HPCAL1: variants seen among roughly 807,000 people sequenced by gnomAD.
The protein encoded by HPCAL1 is hippocalcin like 1, also known as hippocalcin-like protein 1.
Under a neutral mutation model 17.1 loss-of-function variants are expected in HPCAL1, and 8 were observed. The ratio of observed to expected loss-of-function variants is 0.47; its 90% CI spans 0.27 to 0.84. The LOEUF is 0.84. HPCAL1 is among the 40% of genes least tolerant of loss of function. HPCAL1 has a pLI of 0.13. For missense variants in HPCAL1, 165 were observed against 271.1 expected (o/e 0.61, Z 2.75); for synonymous variants, 112 against 111.4 (o/e 1.01, Z -0.03).
chr2:10,383,563 A>C (rs989119965), intron 1 of HPCAL1, among the ~76,000 whole-genome samples: 1 of 151,808 alleles, frequency 6.6e-6, no homozygotes, highest in Admixed American at 6.6e-5. Context: ...GGGTTTCACT[A>C]TGTTGGCCAG....
intron 1 of HPCAL1, among the ~76,000 whole-genome samples, chr2:10,360,969 T>A (rs965384227): frequency 2.7e-5 from 4 of 150,796 alleles, no homozygotes; most frequent in African/African-American, 9.8e-5. Context: ...CTCTCCACGG[T>A]CTCCTCCTGG....
At chr2:10,422,613 T>G (rs1572872061) in intron 3 of HPCAL1, among the ~76,000 whole-genome samples, 1 of 152,010 alleles carries the variant, frequency 6.6e-6, no homozygotes. Context: ...AGCCATGGAG[T>G]AAAATGCACA....
At chr2:10,319,297 C>G (rs992875134) in intron 1 of HPCAL1, among the ~76,000 whole-genome samples, 8 of 152,204 alleles carry the variant, frequency 5.3e-5, no homozygotes, top group Non-Finnish European at 1.2e-4. Flanking sequence ...ATAGGAGAGG[C>G]CTGGAGGCTT....
rs143287273 is a variant in HPCAL1, at chr2:10,423,021, G to T, written c.417G>T (p.Pro139=). The T allele has an allele frequency of 3.1e-6, 5 of 1,613,588 alleles. No individual in the cohort carries two copies. The South Asian group carries it at 5.5e-5, about 18-fold the overall frequency. ...YKMVSSVMKM[P]EDESTPEKRT... Reference sequence around the variant, plus strand: ...TGGTGTCGTCTGTGATGAAGATGCCGGAGGATGAGTCCACCCCGGAGAAGC... The same window carrying T: ...TGGTGTCGTCTGTGATGAAGATGCCTGAGGATGAGTCCACCCCGGAGAAGC... Residue 139 remains proline, a synonymous_variant, in exon 4 of 5, where the codon CCG becomes CCT. Transcript: ENST00000307845.
At chr2:10,423,148 G>A in intron 4 of HPCAL1, 60 bp downstream of exon 4, 1 of 1,283,540 alleles carries the variant, frequency 7.8e-7, no homozygotes, top group Non-Finnish European at 1.1e-6. Context: ...AAACCATGTG[G>A]TTTGGGGCAC....
rs1558517423 is a variant in HPCAL1 at position 10,399,232 on chromosome 2, C to CTG, written c.-25+2312_-25+2313insTG. Among the ~76,000 whole-genome samples, 31 of 72,590 alleles carry CTG rather than the reference C, an allele frequency of 4.3e-4. 1 individual carries two copies. In the East Asian group the frequency reaches 9.4e-3, roughly 22 times the overall value. 47.6% of individuals were successfully genotyped at this position (72,590 alleles called of 152,430 possible). ...TGCACCACCACCACCACCACCACCACCACCACCATCACCACCACCACCACC... is the reference window on the plus strand; with the variant it reads ...TGCACCACCACCACCACCACCACCACTGCACCACCATCACCACCACCACCACC... On this transcript the variant is annotated intron_variant, in intron 2 of 4. Transcript: ENST00000307845.
intron 1 of HPCAL1, among the ~76,000 whole-genome samples, chr2:10,351,933 C>T (rs1431527268): frequency 3.5e-5 from 5 of 142,238 alleles, no homozygotes; most frequent in Non-Finnish European, 7.6e-5. Flanking sequence ...TTGACGGAGT[C>T]TCACTCTTGC....
At chr2:10,348,954 A>G (rs1216376377) in intron 1 of HPCAL1, among the ~76,000 whole-genome samples, 3 of 152,222 alleles carry the variant, frequency 2.0e-5, no homozygotes, top group Non-Finnish European at 4.4e-5. Flanking sequence ...GTCTGAATTC[A>G]ATCACATTCA....
At chr2:10,332,534 G>T (rs867759724) in intron 1 of HPCAL1, among the ~76,000 whole-genome samples, 1 of 152,084 alleles carries the variant, frequency 6.6e-6, no homozygotes, top group South Asian at 2.1e-4. Context: ...GGGGTGAAGC[G>T]GGCCCCTGTA....
chr2:10,326,926 A>G (rs1664054936), intron 1 of HPCAL1, among the ~76,000 whole-genome samples: 1 of 150,606 alleles, frequency 6.6e-6, no homozygotes, highest in South Asian at 2.1e-4. Flanking sequence ...TGTGCCCCAC[A>G]TGCCCCGGCT....
At chr2:10,400,828 C>T (rs1008605243) in intron 2 of HPCAL1, among the ~76,000 whole-genome samples, 1 of 152,212 alleles carries the variant, frequency 6.6e-6, no homozygotes, top group African/African-American at 2.4e-5. Flanking sequence ...GCATTCTCAT[C>T]TGCCCTGGAA....
intron 1 of HPCAL1, among the ~76,000 whole-genome samples, chr2:10,318,518 C>A (rs114584806): frequency 9.2e-5 from 14 of 152,284 alleles, no homozygotes; most frequent in Non-Finnish European, 2.1e-4. Flanking sequence ...TAAGGCCGCA[C>A]GTGGGTGTGG....
intron 1 of HPCAL1, among the ~76,000 whole-genome samples, chr2:10,379,768 G>A (rs561108117): frequency 6.6e-6 from 1 of 152,350 alleles, no homozygotes; most frequent in East Asian, 1.9e-4. Context: ...CAGGGTTAAA[G>A]GCAGGCTTTG....
intron 1 of HPCAL1, among the ~76,000 whole-genome samples, chr2:10,322,315 AC>A (rs1312359723): frequency 1.3e-5 from 2 of 152,208 alleles, no homozygotes; most frequent in African/African-American, 4.8e-5. Context: ...GAACCACTGC[AC>A]CCAGCCACAG....
intron 2 of HPCAL1, among the ~76,000 whole-genome samples, chr2:10,411,952 C>G (rs1055057220): frequency 6.6e-6 from 1 of 152,180 alleles, no homozygotes; most frequent in Non-Finnish European, 1.5e-5. Context: ...AGAGAAGATT[C>G]CTCCCCCAAG....
At chr2:10,398,066 A>G (rs2125578715) in intron 2 of HPCAL1, among the ~76,000 whole-genome samples, 1 of 152,082 alleles carries the variant, frequency 6.6e-6, no homozygotes, top group South Asian at 2.1e-4. Flanking sequence ...TCTCATGACT[A>G]TTATGGTGAC....
rs1311238269 is a variant in HPCAL1, at chr2:10,304,066, AC to A, written c.-111+891del. ...TGTGCCTCTCCCTGGCCCTAACTTA[AC>A]CGCGAAGCACTGAGATTCGAGAAAG... On this transcript the variant is annotated intron_variant, in intron 1 of 4. Coordinates refer to ENST00000307845, the MANE Select transcript of HPCAL1 (RefSeq NM_002149.4). This position sits in a 1 kb window ranked among gnomAD's most constrained non-coding sequence, Gnocchi z 4.1. The A allele has an allele frequency of 1.3e-5, 2 of 152,092 alleles. No individual in the cohort carries two copies. The highest frequency in any genetic ancestry group is 2.4e-5 in the African/African-American group (1 of 41,412). The allele number at this position is 152,092 out of a possible 1,614,324, so 9.4% of individuals were successfully genotyped here.
At chr2:10,421,010 A>T (rs1412028026) in intron 3 of HPCAL1, among the ~76,000 whole-genome samples, 1 of 152,138 alleles carries the variant, frequency 6.6e-6, no homozygotes, top group Non-Finnish European at 1.5e-5. Context: ...ATCTGCCTTC[A>T]GCCTCCCAAA....
chr2:10,375,175 T>C (rs1020117275), intron 1 of HPCAL1, among the ~76,000 whole-genome samples: 1 of 152,248 alleles, frequency 6.6e-6, no homozygotes, highest in African/African-American at 2.4e-5. Context: ...TGGAGTACAG[T>C]GTGCCCTGCC....
Sources: gnomAD v4.1 joint callset for allele counts (sites outside exome capture counted in the v4.1 genomes callset) on GRCh38, gnomAD v4.1.1 for gene constraint, Gnocchi (gnomAD v3.1) non-coding constraint, MANE v1.5 for transcripts, NCBI Gene and HGNC (gene_info 2026-07-23, HGNC 2026-07-21) for gene names.